The following DNAH6 variants were observed in gnomAD, a reference collection of about 807,000 sequenced individuals.
The protein encoded by DNAH6 is axonemal beta dynein heavy chain 6.
DNAH6 carries 340 observed loss-of-function variants against 491.4 expected under a neutral mutation model. The ratio of observed to expected loss-of-function variants is 0.69; its 90% CI spans 0.63 to 0.76. The LOEUF is 0.76. Among genes scored for constraint, DNAH6 ranks in the 30% least tolerant of loss-of-function variants. The pLI is 0.00. For synonymous variants in DNAH6, 1,603 were observed against 1,686.1 expected, an observed-to-expected ratio of 0.95 and a Z score of 1.21; for missense variants, 4,443 against 4,972.2, an observed-to-expected ratio of 0.89 and a Z score of 3.20.
chr2:84,694,859 T>C (rs1304698376), intron 46 of DNAH6, among the ~76,000 whole-genome samples: 1 of 152,036 alleles, frequency 6.6e-6, no homozygotes, highest in Non-Finnish European at 1.5e-5. Context: ...ATCTTTTGGG[T>C]TAAATTACCT....
At chr2:84,807,784 C>T (rs916438938) in intron 71 of DNAH6, among the ~76,000 whole-genome samples, 3 of 152,188 alleles carry the variant, frequency 2.0e-5, no homozygotes, top group African/African-American at 4.8e-5. Context: ...CCCCCTCATT[C>T]CACATTGGAG....
intron 11 of DNAH6, among the ~76,000 whole-genome samples, chr2:84,563,764 C>A (rs1003600651): frequency 3.9e-5 from 6 of 152,190 alleles, no homozygotes; most frequent in African/African-American, 1.4e-4. Context: ...CAATTCTTTG[C>A]CAAGCCTGTG....
intron 15 of DNAH6, chr2:84,584,467 C>T (rs1328537918): frequency 2.0e-6 from 1 of 509,590 alleles, no homozygotes; most frequent in Admixed American, 3.5e-5. Context: ...ATTAAGACTA[C>T]TCTTCAAACC....
intron 37 of DNAH6, among the ~76,000 whole-genome samples, chr2:84,665,152 A>T (rs982919898): frequency 1.3e-4 from 20 of 152,214 alleles, no homozygotes; most frequent in African/African-American, 4.8e-4. Flanking sequence ...AGCAGGAAAG[A>T]TCTAAAATTG....
intron 54 of DNAH6, among the ~76,000 whole-genome samples, chr2:84,708,086 A>G (rs1696648719): frequency 6.6e-6 from 1 of 152,152 alleles, no homozygotes; most frequent in Non-Finnish European, 1.5e-5. Context: ...CAGTCAAAAG[A>G]AAGGAGCAGG....
chr2:84,634,531 G>T lies in DNAH6; in HGVS notation c.4543G>T (p.Ala1515Ser). Reference protein sequence around the residue: ...KMMGRFFSGLAQSGAWCCFDE... With the variant: ...KMMGRFFSGLSQSGAWCCFDE... ...GATGGGGCGCTTCTTCAGTGGCTTGGCACAGTCAGGGGCCTGGTGCTGCTT... is the reference window on the plus strand; with the variant it reads ...GATGGGGCGCTTCTTCAGTGGCTTGTCACAGTCAGGGGCCTGGTGCTGCTT... The change falls in exon 30 of 77, where the codon GCA becomes TCA. Residue 1515 changes from alanine (A) to serine (S), a missense_variant. Coordinates refer to ENST00000389394, the MANE Select transcript of DNAH6 (RefSeq NM_001370.2). 1 of 1,546,038 alleles carries T rather than the reference G, an allele frequency of 6.5e-7. No homozygotes were observed. The highest frequency in any genetic ancestry group is 1.2e-5 in the South Asian group (1 of 82,930).
At chr2:84,664,492 A>G (rs1383721315) in intron 37 of DNAH6, among the ~76,000 whole-genome samples, 1 of 152,210 alleles carries the variant, frequency 6.6e-6, no homozygotes, top group Non-Finnish European at 1.5e-5. Flanking sequence ...AAAGATCAAA[A>G]GAGACAAAGA....
chr2:84,569,691 GT>G, intron 11 of DNAH6, among the ~76,000 whole-genome samples: 1 of 152,080 alleles, frequency 6.6e-6, no homozygotes, highest in East Asian at 1.9e-4. Flanking sequence ...TAGTTAGTAG[GT>G]TTGTTTTTTG....
Position 84,557,909 on chromosome 2 carries a change from T to C in DNAH6, c.1777T>C (p.Phe593Leu), listed in dbSNP as rs1680228132. ...AGCAGTATTTGAGGATGATAAGAAT[T>C]TTCACACAATTATTTCTCAAATAAA... ...LAAVFEDDKN[F>L]HTIISQIKET... Residue 593 changes from phenylalanine (F) to leucine (L), a missense_variant, in exon 11 of 77, where the codon TTT becomes CTT. Phe to Leu is a conservative substitution (Grantham distance 22, BLOSUM62 0). Around this residue, in one of 3 missense-constraint regions of DNAH6, gnomAD observed 2,977 missense variants for 3,296.6 expected, o/e 0.90. Transcript: ENST00000389394. 6.2e-7 allele frequency: 1 copy of C among 1,609,814 alleles called. No homozygotes were observed. Among genetic ancestry groups the C allele is most frequent in the Non-Finnish European group, 8.5e-7 (1 of 1,177,410 alleles).
chr2:84,558,130 A>C (rs1274199725), intron 11 of DNAH6, among the ~76,000 whole-genome samples, 195 bp downstream of exon 11: 1 of 152,146 alleles, frequency 6.6e-6, no homozygotes, highest in African/African-American at 2.4e-5. Context: ...ATAATTTTTT[A>C]AAAGCATTAA....
chr2:84,687,852 T>C (rs990368960), intron 44 of DNAH6, among the ~76,000 whole-genome samples: 1 of 152,182 alleles, frequency 6.6e-6, no homozygotes, highest in African/African-American at 2.4e-5. Context: ...CTACAAATAG[T>C]TCTGGCATGA....
chr2:84,583,494 A>G (rs1271270094), intron 14 of DNAH6, among the ~76,000 whole-genome samples: 3 of 152,250 alleles, frequency 2.0e-5, no homozygotes, highest in Non-Finnish European at 4.4e-5. Flanking sequence ...GGCTTTAGCC[A>G]ATTTGACCGT....
intron 24 of DNAH6, among the ~76,000 whole-genome samples, chr2:84,620,852 G>C (rs1275663036): frequency 6.6e-6 from 1 of 152,190 alleles, no homozygotes; most frequent in Non-Finnish European, 1.5e-5. Flanking sequence ...GTGTCATTTG[G>C]ACTTTTCAGT....
At chr2:84,486,733 A>C in the DNAH6 span, among the ~76,000 whole-genome samples, 1 of 152,206 alleles carries the variant, frequency 6.6e-6, no homozygotes, top group Non-Finnish European at 1.5e-5. Context: ...ATGGCAAGAA[A>C]GAAGGAGTTT....
chr2:84,511,165 C>T, the DNAH6 span, among the ~76,000 whole-genome samples: 1 of 152,190 alleles, frequency 6.6e-6, no homozygotes, highest in African/African-American at 2.4e-5. Flanking sequence ...GTGCCCTCCC[C>T]CAGAGGTGGA....
At chr2:84,497,404 A>G in the DNAH6 span, among the ~76,000 whole-genome samples, 1 of 152,218 alleles carries the variant, frequency 6.6e-6, no homozygotes, top group Non-Finnish European at 1.5e-5. Context: ...TAAAGCTGCT[A>G]TGAAAATTCA....
intron 37 of DNAH6, among the ~76,000 whole-genome samples, chr2:84,662,376 T>C (rs1477081041): frequency 6.6e-6 from 1 of 152,132 alleles, no homozygotes; most frequent in Non-Finnish European, 1.5e-5. Flanking sequence ...TGACAGGCAG[T>C]ACCTGGAAAA....
chr2:84,624,448 A>T lies in DNAH6; in HGVS notation c.4198-17A>T. 2 of 1,550,946 alleles carry T rather than the reference A, an allele frequency of 1.3e-6. No homozygotes were observed. Among genetic ancestry groups the T allele is most frequent in the Non-Finnish European group, 1.7e-6 (2 of 1,146,622 alleles). ...TCTTTCTGAAATTAGTGTATCTAAT[A>T]TGTATATCACATATAGGTGGAGACA... On this transcript the variant is annotated splice_polypyrimidine_tract_variant and intron_variant, in intron 27 of 76. Transcript: ENST00000389394.
chr2:84,466,988 C>T, the DNAH6 span, among the ~76,000 whole-genome samples: 6 of 152,292 alleles, frequency 3.9e-5, no homozygotes, highest in South Asian at 8.3e-4. Flanking sequence ...TATAGAAATA[C>T]AGCCCAAAGA....
Sources: allele counts gnomAD v4.1 joint callset (sites outside exome capture counted in the v4.1 genomes callset), GRCh38; gene constraint gnomAD v4.1.1; regional missense constraint gnomAD v4.1.1; transcripts MANE v1.5; gene names NCBI Gene and HGNC (gene_info 2026-07-23, HGNC 2026-07-21).